Variants in AGO1 observed in about 807,000 individuals in gnomAD.
AGO1 encodes the protein argonaute RISC component 1.
Under a neutral mutation model 109.2 loss-of-function variants are expected in AGO1, and 11 were observed. The ratio of observed to expected loss-of-function variants is 0.10; its 90% confidence interval spans 0.06 to 0.17. The LOEUF (loss-of-function observed/expected upper bound fraction) is 0.17, where lower values mean the gene tolerates loss of function less well. Ranked by LOEUF, AGO1 falls within the 10% of genes least tolerant of loss-of-function variation. The probability of loss-of-function intolerance (pLI) is 1.00; values close to 1 mark genes in which losing one functional copy is unlikely to be tolerated. For synonymous variants in AGO1, 422 were observed against 418.6 expected (o/e 1.01, Z -0.10); for missense variants, 574 against 1,140.3 (o/e 0.50, Z 7.15).
chr1:35,907,751 T>C (rs1393903110), intron 12 of AGO1, among the ~76,000 whole-genome samples: 1 of 152,152 alleles, frequency 6.6e-6, no homozygotes, highest in Non-Finnish European at 1.5e-5. Flanking sequence ...AACCCTCAAA[T>C]ATATTCAGAT....
rs904580634 is a variant in AGO1 at position 35,915,332 on chromosome 1, T to A, written c.1834-16T>A. The A allele has an allele frequency of 3.1e-6, 5 of 1,607,730 alleles. No homozygotes were observed. In the Admixed American group the frequency reaches 6.7e-5, roughly 21 times the overall value. Reference sequence around the variant, plus strand: ...GTGAAGGTTCTAGGAGCTAATCCTTTCTCTCTGACTGTCAGGTGGTAGGCA... The same window carrying A: ...GTGAAGGTTCTAGGAGCTAATCCTTACTCTCTGACTGTCAGGTGGTAGGCA... On this transcript the variant is annotated splice_polypyrimidine_tract_variant and intron_variant, in intron 14 of 18. Transcript: ENST00000373204.
chr1:35,880,587 G>GTAAT (rs2148704917), upstream of AGO1, among the ~76,000 whole-genome samples: 1 of 152,240 alleles, frequency 6.6e-6, no homozygotes, highest in Admixed American at 6.5e-5. Context: ...TGAGAGGCAA[G>GTAAT]TAATGATTAT....
rs1016676335 is a variant in AGO1, at chr1:35,926,926, A to G, written c.*7319A>G. 3.3e-5 allele frequency: 5 copies of G among 149,272 alleles called. No individual in the cohort carries two copies. The highest frequency in any genetic ancestry group is 5.9e-5 in the Non-Finnish European group (4 of 67,832). The allele number at this position is 149,272 out of a possible 1,614,324, so 9.2% of individuals were successfully genotyped here. A position where few individuals can be genotyped will look rare whatever the true frequency, so the allele number is the denominator to read the frequency against. On this transcript the variant is annotated 3_prime_UTR_variant, in exon 19 of 19. Coordinates refer to ENST00000373204, the MANE Select transcript of AGO1 (RefSeq NM_012199.5). ...GCATCTTCACCACCATCCTCTTGGCAATGGTTTTTTGTTTGGGGTTTTTTT... is the reference window on the plus strand; with the variant it reads ...GCATCTTCACCACCATCCTCTTGGCGATGGTTTTTTGTTTGGGGTTTTTTT...
At position 35,926,990 on chromosome 1, in the gene AGO1, C is replaced by A. The variant is rs1571389716; in HGVS notation, c.*7383C>A. 7.0e-6 allele frequency: 1 copy of A among 142,942 alleles called. No individual in the cohort carries two copies. The highest frequency in any genetic ancestry group is 7.1e-5 in the Admixed American group (1 of 14,048). The allele number at this position is 142,942 out of a possible 1,614,324, so 8.9% of individuals were successfully genotyped here. ...GACAAAGTATAATAATATTGAGGGA[C>A]CTTTCTAGGGAGCCTTTGGTCCTTT... On this transcript the variant is annotated 3_prime_UTR_variant, in exon 19 of 19. Transcript: ENST00000373204.
At position 35,901,961 on chromosome 1, in the gene AGO1, G is replaced by A. The variant is rs1320886676; in HGVS notation, c.1154G>A (p.Ser385Asn). The A allele has an allele frequency of 1.3e-6, 2 of 1,593,564 alleles. No homozygotes were observed. The highest frequency in any genetic ancestry group is 3.6e-5 in the Admixed American group (2 of 55,886). ...EEISRLMKNA[S>N]YNLDPYIQEF... ...TTTGTCCTGCAGATGAAGAATGCCA[G>A]CTACAACTTAGATCCCTACATCCAG... Residue 385 changes from serine (S) to asparagine (N), a missense_variant, in exon 10 of 19, where the codon AGC becomes AAC. By Grantham distance (46) the Ser-to-Asn change is conservative. Transcript: ENST00000373204. This position sits in a 1 kb window ranked among gnomAD's most constrained non-coding sequence, Gnocchi z 4.8.
chr1:35,917,833 A>G, intron 16 of AGO1, 106 bp downstream of exon 16: 3 of 1,480,306 alleles, frequency 2.0e-6, no homozygotes, highest in Non-Finnish European at 1.8e-6. Context: ...TGTCCTATCT[A>G]TCCTCCCTGG....
intron 12 of AGO1, among the ~76,000 whole-genome samples, chr1:35,911,020 C>T (rs1645623008): frequency 3.3e-5 from 5 of 152,198 alleles, no homozygotes; most frequent in Admixed American, 2.0e-4. Context: ...GAGCCAAGAT[C>T]GTGCCACTGC....
chr1:35,907,112 G>A lies in AGO1; in HGVS notation c.1575G>A (p.Pro525=), dbSNP rs757463904. The change falls in exon 12 of 19, where the codon CCG becomes CCA. Residue 525 remains proline, a synonymous_variant. Transcript: ENST00000373204. The part of the protein sequence containing the change: ...LIIVILPGKT[P]VYAEVKRVGD... ...TTGTCATCCTGCCAGGGAAGACGCC[G>A]GTGTATGGTACAGTTCTCTTGGGAC... 3.3e-5 allele frequency: 53 copies of A among 1,612,146 alleles called. No homozygotes were observed. The highest frequency in any genetic ancestry group is 2.5e-4 in the East Asian group (11 of 44,874).
chr1:35,883,474 G>A lies in AGO1; in HGVS notation c.25+28G>A. 6.5e-7 allele frequency: 1 copy of A among 1,545,836 alleles called. No individual in the cohort carries two copies. Among genetic ancestry groups the A allele is most frequent in the South Asian group, 1.2e-5 (1 of 82,684 alleles). Reference sequence around the variant, plus strand: ...AAGGGTCCCCAGGAGGGGGAACGGTGCATGCTCCAAGGACTGGGGGATCCC... The same window carrying A: ...AAGGGTCCCCAGGAGGGGGAACGGTACATGCTCCAAGGACTGGGGGATCCC... On this transcript the variant is annotated intron_variant, in intron 1 of 18. Transcript: ENST00000373204. This position sits in a 1 kb window ranked among gnomAD's most constrained non-coding sequence, Gnocchi z 5.4.
rs1011522931 is a variant in AGO1 at position 35,901,729 on chromosome 1, T to C, written c.1140+136T>C. On this transcript the variant is annotated intron_variant, in intron 9 of 18. Transcript: ENST00000373204. This position sits in a 1 kb window ranked among gnomAD's most constrained non-coding sequence, Gnocchi z 4.8. ...AGGACTGTATAAGGCTGCTTTTGCT[T>C]CTTGACCGTATAGCTACTTTGCTTT... 11 of 1,431,140 alleles carry C rather than the reference T, an allele frequency of 7.7e-6. No homozygotes were observed. In the African/African-American group the frequency reaches 1.6e-4, roughly 20 times the overall value. The allele number at this position is 1,431,140 out of a possible 1,614,324, so 88.7% of individuals were successfully genotyped here. A position where few individuals can be genotyped will look rare whatever the true frequency, so the allele number is the denominator to read the frequency against.
In AGO1 at chr1:35,893,562, G is replaced by T; in HGVS notation, c.513-112G>T. ...TACAACTAGTAAAGCATCAGAGCTG[G>T]CATTAAAGCCCCGGTGTCCTGCCTT... is the stretch of plus-strand genomic sequence containing the variant. On this transcript the variant is annotated intron_variant, in intron 4 of 18. Transcript: ENST00000373204. This position sits in a 1 kb window ranked among gnomAD's most constrained non-coding sequence, Gnocchi z 5.6. 1 of 1,140,236 alleles carries T rather than the reference G, an allele frequency of 8.8e-7. No homozygotes were observed. Among genetic ancestry groups the T allele is most frequent in the Admixed American group, 2.8e-5 (1 of 35,898 alleles). The allele number at this position is 1,140,236 out of a possible 1,614,324, so 70.6% of individuals were successfully genotyped here. A position where few individuals can be genotyped will look rare whatever the true frequency, so the allele number is the denominator to read the frequency against.
chr1:35,895,205 A>G lies in AGO1; in HGVS notation c.956A>G (p.Lys319Arg). 1 of 1,614,174 alleles carries G rather than the reference A, an allele frequency of 6.2e-7. No homozygotes were observed. Among genetic ancestry groups the G allele is most frequent in the Non-Finnish European group, 8.5e-7 (1 of 1,180,018 alleles). The change falls in exon 8 of 19, where the codon AAG becomes AGG. Residue 319 changes from lysine to arginine, a missense_variant. Physicochemically the swap from Lys to Arg is conservative, Grantham distance 26 (BLOSUM62 2). Around this residue, in one of 8 missense-constraint regions of AGO1, gnomAD observed 42 missense variants for 142.4 expected, o/e 0.29. Transcript: ENST00000373204. ...YFKQKYNLQLKYPHLPCLQVG... is the reference protein window; with the variant it reads ...YFKQKYNLQLRYPHLPCLQVG... ...AAGCAGAAATATAACCTTCAGCTCAAGTATCCCCATCTGCCCTGCCTACAA... is the reference window on the plus strand; with the variant it reads ...AAGCAGAAATATAACCTTCAGCTCAGGTATCCCCATCTGCCCTGCCTACAA...
At chr1:35,911,656 A>G (rs1247468614) in intron 12 of AGO1, among the ~76,000 whole-genome samples, 2 of 152,238 alleles carry the variant, frequency 1.3e-5, no homozygotes, top group Non-Finnish European at 2.9e-5. Context: ...GGAAGTAGAT[A>G]TGATCTTTTT....
intron 8 of AGO1, among the ~76,000 whole-genome samples, chr1:35,899,566 T>C (rs1248430578): frequency 1.3e-5 from 2 of 152,250 alleles, no homozygotes; most frequent in African/African-American, 4.8e-5. Flanking sequence ...TAACCACCTG[T>C]AGAGAATGCT....
chr1:35,911,858 T>G (rs1645638290), intron 12 of AGO1, among the ~76,000 whole-genome samples: 1 of 152,222 alleles, frequency 6.6e-6, no homozygotes, highest in Admixed American at 6.5e-5. Context: ...CATTTCACTT[T>G]GTTGACCACT....
chr1:35,894,197 G>T, intron 6 of AGO1, 26 bp downstream of exon 6: 1 of 1,568,364 alleles, frequency 6.4e-7, no homozygotes, highest in Non-Finnish European at 8.7e-7. Context: ...GAGGGGAAGG[G>T]AAACAGCGCC....
chr1:35,893,744 G>A lies in AGO1; in HGVS notation c.583G>A (p.Glu195Lys), dbSNP rs2148711374. The A allele has an allele frequency of 6.2e-7, 1 of 1,613,960 alleles. No homozygotes were observed. Among genetic ancestry groups the A allele is most frequent in the East Asian group, 2.2e-5 (1 of 44,872 alleles). ...CTACCACCCGCTGGGGGGTGGGCGC[G>A]AGGTCTGGTTCGGCTTTCACCAGTC... ...GYYHPLGGGR[E>K]VWFGFHQSVR... The change falls in exon 5 of 19, where the codon GAG (glutamate) becomes AAG (lysine). Residue 195 changes from glutamate to lysine, a missense_variant. Coordinates refer to ENST00000373204, the MANE Select transcript of AGO1 (RefSeq NM_012199.5). This position sits in a 1 kb window ranked among gnomAD's most constrained non-coding sequence, Gnocchi z 5.6.
Position 35,927,760 on chromosome 1 carries a change from A to G in AGO1, c.*8153A>G, listed in dbSNP as rs1269434140. 6.6e-6 allele frequency: 1 copy of G among 152,270 alleles called. No homozygotes were observed. Among genetic ancestry groups the G allele is most frequent in the South Asian group, 2.1e-4 (1 of 4,830 alleles). The allele number at this position is 152,270 out of a possible 1,614,324, so 9.4% of individuals were successfully genotyped here. On this transcript the variant is annotated 3_prime_UTR_variant, in exon 19 of 19. Transcript: ENST00000373204. ...AGCATCTGGTCTCAAAGGTACTTCA[A>G]CTTTTACAGATGAGAAACATGAATC...
At chr1:35,914,528 GTCTT>G (rs1645700034) in intron 14 of AGO1, among the ~76,000 whole-genome samples, 1 of 152,154 alleles carries the variant, frequency 6.6e-6, no homozygotes, top group Non-Finnish European at 1.5e-5. Flanking sequence ...GCATTTGAAT[GTCTT>G]TCTTTCCCCA....
Sources: gnomAD v4.1 joint callset for allele counts (sites outside exome capture counted in the v4.1 genomes callset) on GRCh38, gnomAD v4.1.1 for gene constraint, gnomAD v4.1.1 regional missense constraint, Gnocchi (gnomAD v3.1) non-coding constraint, MANE v1.5 for transcripts, NCBI Gene and HGNC (gene_info 2026-07-23, HGNC 2026-07-21) for gene names.